CAPN8: variants seen among roughly 807,000 people sequenced by gnomAD.
The protein encoded by CAPN8 is calpain 8.
In CAPN8, 87 loss-of-function variants were observed where a neutral mutation model predicts 80.9. The ratio of observed to expected loss-of-function variants is 1.07; its 90% CI spans 0.90 to 1.28. The LOEUF is 1.28. Ranked by LOEUF, CAPN8 falls within the 50% of genes most tolerant of loss-of-function variation. The pLI, the probability that CAPN8 is intolerant of heterozygous loss-of-function variation, is 0.00. For synonymous variants in CAPN8, 299 were observed against 273.8 expected (o/e 1.09, Z -0.91); for missense variants, 757 against 702.0 (o/e 1.08, Z -0.89).
At chr1:223,657,994 C>G (rs1240865380) in intron 1 of CAPN8, among the ~76,000 whole-genome samples, 1 of 152,096 alleles carries the variant, frequency 6.6e-6, no homozygotes, top group African/African-American at 2.4e-5. Flanking sequence ...CTGAGCATTT[C>G]TCCTCAGTCT....
intron 13 of CAPN8, among the ~76,000 whole-genome samples, chr1:223,555,822 T>C (rs902389792): frequency 6.6e-6 from 1 of 152,192 alleles, no homozygotes; most frequent in Admixed American, 6.5e-5. Context: ...GTTGCAACTG[T>C]GGTACTTCAC....
At chr1:223,551,499 T>C (rs540120806) in intron 14 of CAPN8, among the ~76,000 whole-genome samples, 128 of 152,348 alleles carry the variant, frequency 8.4e-4, no homozygotes, top group Non-Finnish European at 1.2e-3. Context: ...CCTCTTCTTT[T>C]GGGGATCCCA....
At chr1:223,616,260 C>T in intron 9 of CAPN8, 115 bp from the exon 10 acceptor site, 1 of 1,221,176 alleles carries the variant, frequency 8.2e-7, no homozygotes, top group Admixed American at 2.7e-5. Context: ...TCCATCCAAA[C>T]TGTGCCTAGT....
At chr1:223,558,383 A>G (rs1005121820) in intron 12 of CAPN8, among the ~76,000 whole-genome samples, 4 of 152,170 alleles carry the variant, frequency 2.6e-5, no homozygotes, top group African/African-American at 9.7e-5. Context: ...CATCAGAGAC[A>G]AGAGCTTCCC....
intron 10 of CAPN8, chr1:223,615,764 A>T: frequency 1.4e-6 from 1 of 695,272 alleles, no homozygotes; most frequent in East Asian, 2.8e-5. Flanking sequence ...CAATGTTAAC[A>T]GCAGAGACTT....
At chr1:223,638,273 T>C (rs904282610) in intron 2 of CAPN8, among the ~76,000 whole-genome samples, 1 of 152,152 alleles carries the variant, frequency 6.6e-6, no homozygotes, top group Non-Finnish European at 1.5e-5. Context: ...ACATCATTCA[T>C]ATCAGGGACT....
chr1:223,651,674 A>C (rs1573980), intron 2 of CAPN8, among the ~76,000 whole-genome samples: 32,130 of 152,186 alleles, frequency 0.21, 5,236 homozygotes, highest in African/African-American at 0.44. Flanking sequence ...GTGTTTTATA[A>C]GAGTGCAAGA....
At chr1:223,663,228 A>T (rs137976086) in intron 1 of CAPN8, among the ~76,000 whole-genome samples, 186 of 152,338 alleles carry the variant, frequency 1.2e-3, no homozygotes, top group Non-Finnish European at 2.0e-3. Flanking sequence ...TTGGGGAAGA[A>T]CAGGCTATGT....
At chr1:223,662,015 C>A (rs1301146265) in intron 1 of CAPN8, among the ~76,000 whole-genome samples, 1 of 152,152 alleles carries the variant, frequency 6.6e-6, no homozygotes, top group South Asian at 2.1e-4. Flanking sequence ...ACATATGCCA[C>A]AACATGGATG....
intron 7 of CAPN8, chr1:223,622,596 CAAAGCAG>C: frequency 1.8e-6 from 1 of 556,818 alleles, no homozygotes. Context: ...TTTCAAATGC[CAAAGCAG>C]AAAGCCAGAA....
At chr1:223,557,785 G>A (rs1228266697) in intron 13 of CAPN8, among the ~76,000 whole-genome samples, 1 of 152,178 alleles carries the variant, frequency 6.6e-6, no homozygotes, top group Non-Finnish European at 1.5e-5. Context: ...AAGACTGGAG[G>A]TCAATCCAAG....
At chr1:223,652,745 C>T (rs941519124) in intron 2 of CAPN8, among the ~76,000 whole-genome samples, 1 of 152,124 alleles carries the variant, frequency 6.6e-6, no homozygotes, top group African/African-American at 2.4e-5. Flanking sequence ...AGCCCCTTTC[C>T]GCTCTGTTCA....
intron 14 of CAPN8, 115 bp from the exon 15 acceptor site, chr1:223,551,132 GTTTA>G (rs1435267316): frequency 2.9e-5 from 18 of 621,792 alleles, no homozygotes; most frequent in Non-Finnish European, 5.2e-5. Flanking sequence ...GCCCTGTGAG[GTTTA>G]TTTGTTTTTG....
chr1:223,618,809 A>G (rs973476645), intron 9 of CAPN8, among the ~76,000 whole-genome samples: 5 of 152,182 alleles, frequency 3.3e-5, no homozygotes, highest in Non-Finnish European at 7.3e-5. Context: ...CACCCTCACA[A>G]CCCTGGCCTC....
At chr1:223,627,201 AAGGAG>A in intron 4 of CAPN8, 44 bp from the exon 5 acceptor site, 1 of 1,544,450 alleles carries the variant, frequency 6.5e-7, no homozygotes, top group East Asian at 2.5e-5. Flanking sequence ...CACCCTCAGC[AAGGAG>A]ACCCGGGGAT....
chr1:223,655,183 C>G (rs1238064639), intron 1 of CAPN8, among the ~76,000 whole-genome samples: 1 of 152,140 alleles, frequency 6.6e-6, no homozygotes, highest in South Asian at 2.1e-4. Context: ...TGCTGTGCAC[C>G]CTGTGGGCAC....
intron 12 of CAPN8, among the ~76,000 whole-genome samples, chr1:223,558,401 T>C (rs1186105867): frequency 3.9e-5 from 6 of 152,306 alleles, no homozygotes; most frequent in South Asian, 2.1e-4. Context: ...CCCAGTGCCA[T>C]TGGCCCTTCA....
intron 8 of CAPN8, among the ~76,000 whole-genome samples, 198 bp from the exon 9 acceptor site, chr1:223,619,651 T>G (rs1169216300): frequency 2.6e-5 from 4 of 152,198 alleles, no homozygotes; most frequent in African/African-American, 9.6e-5. Flanking sequence ...TCTTGGCTCT[T>G]ACAGGGAGCC....
chr1:223,543,188 T>C (rs1207204538), intron 19 of CAPN8, 22 bp from the exon 20 acceptor site: 8 of 1,551,000 alleles, frequency 5.2e-6, no homozygotes, highest in Non-Finnish European at 6.1e-6. Context: ...GAGAAGGAAA[T>C]GAAATTAGAT....
Sources: allele counts gnomAD v4.1 joint callset (sites outside exome capture counted in the v4.1 genomes callset), GRCh38; gene constraint gnomAD v4.1.1; transcripts MANE v1.5; gene names NCBI Gene and HGNC (gene_info 2026-07-23, HGNC 2026-07-21).